LIMA1: variants seen among roughly 807,000 people sequenced by gnomAD.
LIMA1 encodes LIM domain and actin-binding protein 1.
Under a neutral mutation model 62.6 loss-of-function variants are expected in LIMA1, and 52 were observed. That is an observed-to-expected ratio of 0.83 (90% CI 0.67 to 1.05). The LOEUF (loss-of-function observed/expected upper bound fraction) is 1.05. Among genes scored for constraint, LIMA1 ranks in the 50% least tolerant of loss-of-function variants. LIMA1 has a pLI of 0.00. For synonymous variants in LIMA1, 302 were observed against 317.8 expected, an observed-to-expected ratio of 0.95 and a Z score of 0.53; for missense variants, 780 against 902.2, an observed-to-expected ratio of 0.86 and a Z score of 1.74.
At chr12:50,196,981 T>C (rs1454670036) in intron 7 of LIMA1, among the ~76,000 whole-genome samples, 1 of 152,154 alleles carries the variant, frequency 6.6e-6, no homozygotes, top group Non-Finnish European at 1.5e-5. Flanking sequence ...CAAAAAGCTC[T>C]TCAGTTCTTG....
chr12:50,232,981 AAAAC>A (rs1941636198), intron 2 of LIMA1, among the ~76,000 whole-genome samples: 1 of 152,206 alleles, frequency 6.6e-6, no homozygotes, highest in African/African-American at 2.4e-5. Flanking sequence ...AGCGAGATTC[AAAAC>A]AAACAAACCC....
chr12:50,191,838 A>C (rs1940781592), intron 9 of LIMA1, among the ~76,000 whole-genome samples: 1 of 148,244 alleles, frequency 6.7e-6, no homozygotes. Context: ...AAACAAAAAC[A>C]AACAAACAAA....
chr12:50,226,485 C>G (rs2138571504), intron 3 of LIMA1, among the ~76,000 whole-genome samples: 1 of 152,254 alleles, frequency 6.6e-6, no homozygotes, highest in Admixed American at 6.5e-5. Context: ...CTGTGATACC[C>G]CTTTTTCTTA....
At chr12:50,236,579 G>A (rs1235495835) in intron 2 of LIMA1, among the ~76,000 whole-genome samples, 2 of 152,062 alleles carry the variant, frequency 1.3e-5, no homozygotes, top group Non-Finnish European at 2.9e-5. Context: ...GATTACAGGC[G>A]TGAGCCACCG....
intron 9 of LIMA1, chr12:50,187,708 A>T (rs1207055046): frequency 2.0e-5 from 3 of 152,200 alleles, no homozygotes; most frequent in African/African-American, 7.2e-5. Context: ...CGAGAGGGGC[A>T]GTGCAGTGTG....
intron 1 of LIMA1, among the ~76,000 whole-genome samples, chr12:50,273,044 T>C (rs1942233783): frequency 6.7e-6 from 1 of 148,908 alleles, no homozygotes; most frequent in Non-Finnish European, 1.5e-5. Flanking sequence ...AGCAAGACTC[T>C]GTCTCAAAAA....
At chr12:50,203,415 CT>C (rs896031415) in intron 6 of LIMA1, among the ~76,000 whole-genome samples, 209 of 143,464 alleles carry the variant, frequency 1.5e-3, no homozygotes, top group African/African-American at 3.4e-3. Flanking sequence ...GAATACCAAT[CT>C]TTTTTTTTTT....
chr12:50,235,066 G>A (rs1449702017), intron 2 of LIMA1, among the ~76,000 whole-genome samples: 1 of 151,906 alleles, frequency 6.6e-6, no homozygotes, highest in African/African-American at 2.4e-5. Flanking sequence ...GCAAGAAGCT[G>A]GGTCTAAAGA....
Position 50,194,721 on chromosome 12 carries a change from G to A in LIMA1, c.1030+1109C>T, listed in dbSNP as rs561540132. 2.0e-5 allele frequency among the ~76,000 whole-genome samples: 3 copies of A among 152,136 alleles called. No individual in the cohort carries two copies. In the South Asian group the frequency reaches 6.2e-4, roughly 32 times the overall value. On this transcript the variant is annotated intron_variant, in intron 8 of 10. Coordinates refer to ENST00000341247, the MANE Select transcript of LIMA1 (RefSeq NM_016357.5). Reference sequence around the variant, plus strand: ...GTTGGAGACCAACCTGGGCAACAAAGTGAGACCTTTTCTCTACAAAAATAT... The same window carrying A: ...GTTGGAGACCAACCTGGGCAACAAAATGAGACCTTTTCTCTACAAAAATAT...
At chr12:50,202,120 G>C (rs189656372) in intron 6 of LIMA1, 1 of 152,276 alleles carries the variant, frequency 6.6e-6, no homozygotes, top group East Asian at 1.9e-4. Flanking sequence ...CCACAGCACC[G>C]GAGGTGCATC....
At chr12:50,231,087 T>C (rs923581511) in intron 3 of LIMA1, among the ~76,000 whole-genome samples, 2 of 152,170 alleles carry the variant, frequency 1.3e-5, no homozygotes, top group Middle Eastern at 3.2e-3. Flanking sequence ...CCTCACAAGA[T>C]TAAATCAAGT....
At chr12:50,232,752 C>T (rs1329806208) in intron 2 of LIMA1, among the ~76,000 whole-genome samples, 2 of 152,160 alleles carry the variant, frequency 1.3e-5, no homozygotes, top group African/African-American at 4.8e-5. Flanking sequence ...CTTCAGAGGC[C>T]GAGGTGGGTG....
At chr12:50,193,612 A>G (rs11169308) in intron 8 of LIMA1, among the ~76,000 whole-genome samples, 7 of 117,654 alleles carry the variant, frequency 5.9e-5, no homozygotes, top group Non-Finnish European at 1.2e-4. Context: ...ATACATGTAT[A>G]TATATATACA....
rs141669573 is a variant in LIMA1, at chr12:50,281,834, C to T, written c.-24+1586G>A. 1.6e-3 allele frequency among the ~76,000 whole-genome samples: 240 copies of T among 152,254 alleles called. 2 individuals carry two copies. The highest frequency in any genetic ancestry group is 5.5e-3 in the African/African-American group (230 of 41,556). On this transcript the variant is annotated intron_variant, in intron 1 of 10. Transcript: ENST00000341247. ...GAGAATTAAAAAACAAAACAAAACA[C>T]CTATATTCCCTATGCTCCTACAGTA...
chr12:50,246,321 T>C (rs1941849098), intron 2 of LIMA1, among the ~76,000 whole-genome samples: 1 of 151,976 alleles, frequency 6.6e-6, no homozygotes, highest in Non-Finnish European at 1.5e-5. Context: ...CAAGTTTAGT[T>C]AAAGACAGGT....
chr12:50,195,602 A>T, intron 8 of LIMA1: 1 of 379,572 alleles, frequency 2.6e-6, no homozygotes, highest in Non-Finnish European at 4.6e-6. Flanking sequence ...ATTCAATGAG[A>T]AAAGCATTAC....
At chr12:50,195,765 C>T (rs905584344) in intron 8 of LIMA1, 65 bp downstream of exon 8, 2 of 1,508,062 alleles carry the variant, frequency 1.3e-6, no homozygotes, top group Non-Finnish European at 1.8e-6. Flanking sequence ...AATGGGAACA[C>T]CCCTGAACCA....
intron 3 of LIMA1, among the ~76,000 whole-genome samples, chr12:50,228,015 G>A (rs2015869471): frequency 1.3e-5 from 2 of 151,664 alleles, no homozygotes; most frequent in South Asian, 2.1e-4. Flanking sequence ...GCCCGCCACC[G>A]TGCCCGGCTA....
intron 1 of LIMA1, among the ~76,000 whole-genome samples, chr12:50,254,954 G>A (rs1406123893): frequency 6.6e-6 from 1 of 151,686 alleles, no homozygotes; most frequent in African/African-American, 2.4e-5. Context: ...CAGCTACTCG[G>A]GAGGGTGAGG....
Sources: gnomAD v4.1 joint callset for allele counts (sites outside exome capture counted in the v4.1 genomes callset) on GRCh38, gnomAD v4.1.1 for gene constraint, MANE v1.5 for transcripts, NCBI Gene and HGNC (gene_info 2026-07-23, HGNC 2026-07-21) for gene names.